Variants in PARD3B observed in about 807,000 individuals in gnomAD.
The protein encoded by PARD3B is partitioning defective 3 homolog B.
Under a neutral mutation model 130.2 loss-of-function variants are expected in PARD3B, and 103 were observed. The ratio of observed to expected loss-of-function variants is 0.79; its 90% CI spans 0.67 to 0.93. The LOEUF (loss-of-function observed/expected upper bound fraction) is 0.93. Ranked by LOEUF, PARD3B falls within the 40% of genes least tolerant of loss-of-function variation. PARD3B has a pLI of 0.00. For synonymous variants in PARD3B, 583 were observed against 553.2 expected (o/e 1.05, Z -0.76); for missense variants, 1,609 against 1,499.2 (o/e 1.07, Z -1.21).
At chr2:205,493,733 T>C (rs1157908109) in intron 20 of PARD3B, among the ~76,000 whole-genome samples, 11 of 137,414 alleles carry the variant, frequency 8.0e-5, no homozygotes, top group South Asian at 2.6e-4. Context: ...TGTATTTATT[T>C]ATTTATTTAT....
At chr2:205,393,473 T>G (rs528660586) in intron 18 of PARD3B, among the ~76,000 whole-genome samples, 3 of 152,334 alleles carry the variant, frequency 2.0e-5, no homozygotes, top group South Asian at 4.1e-4. Flanking sequence ...GACTAGATGT[T>G]GCAGTTTTTT....
chr2:204,683,518 G>T (rs936822535), intron 1 of PARD3B, among the ~76,000 whole-genome samples: 1 of 152,128 alleles, frequency 6.6e-6, no homozygotes, highest in Non-Finnish European at 1.5e-5. Flanking sequence ...ATGGCTGTAG[G>T]TTGCATATTT....
chr2:205,594,376 A>T (rs1331247256), intron 22 of PARD3B, among the ~76,000 whole-genome samples: 1 of 152,150 alleles, frequency 6.6e-6, no homozygotes, highest in Non-Finnish European at 1.5e-5. Context: ...GCCTCTCAGG[A>T]CACTTCCCCT....
intron 10 of PARD3B, among the ~76,000 whole-genome samples, chr2:205,134,223 C>T (rs537997820): frequency 3.9e-5 from 6 of 152,146 alleles, no homozygotes; most frequent in Admixed American, 2.6e-4. Flanking sequence ...GCATTTACAT[C>T]GTCAAAATCA....
At chr2:205,270,298 G>A (rs896439001) in intron 16 of PARD3B, among the ~76,000 whole-genome samples, 1 of 152,158 alleles carries the variant, frequency 6.6e-6, no homozygotes, top group African/African-American at 2.4e-5. Context: ...GCTGGGCATG[G>A]TGGCTCACAC....
intron 2 of PARD3B, among the ~76,000 whole-genome samples, chr2:204,870,100 C>A (rs1346014034): frequency 6.6e-6 from 1 of 152,100 alleles, no homozygotes; most frequent in Non-Finnish European, 1.5e-5. Context: ...CTGGATAACA[C>A]CCTCTTCGCC....
chr2:205,029,684 G>C (rs1286814561), intron 3 of PARD3B, among the ~76,000 whole-genome samples: 1 of 152,090 alleles, frequency 6.6e-6, no homozygotes, highest in Non-Finnish European at 1.5e-5. Context: ...AGAGCCCTTT[G>C]GGGGTCAAGG....
chr2:205,213,100 CT>C (rs2037731504), intron 15 of PARD3B, among the ~76,000 whole-genome samples: 2 of 152,058 alleles, frequency 1.3e-5, no homozygotes, highest in Admixed American at 1.3e-4. Flanking sequence ...TCAAATAAGG[CT>C]TGTCAGTTTC....
chr2:205,457,434 A>G (rs370886276), intron 20 of PARD3B, among the ~76,000 whole-genome samples: 3 of 151,952 alleles, frequency 2.0e-5, no homozygotes, highest in East Asian at 3.9e-4. Context: ...GTTTTCATGT[A>G]TCTTAAATCT....
chr2:204,803,968 C>A (rs963950453), intron 2 of PARD3B, among the ~76,000 whole-genome samples: 54 of 152,230 alleles, frequency 3.5e-4, no homozygotes, highest in African/African-American at 1.3e-3. Context: ...TGCCTGTAAT[C>A]CCTGTACTTT....
chr2:205,123,239 T>C (rs2030971191), intron 8 of PARD3B, among the ~76,000 whole-genome samples: 1 of 152,132 alleles, frequency 6.6e-6, no homozygotes, highest in Non-Finnish European at 1.5e-5. Context: ...AAGAGAAGAA[T>C]TACAGTGATT....
intron 21 of PARD3B, among the ~76,000 whole-genome samples, chr2:205,545,536 C>G (rs1366715314): frequency 6.6e-6 from 1 of 152,158 alleles, no homozygotes; most frequent in East Asian, 1.9e-4. Flanking sequence ...GCATGAAACT[C>G]ATTTTTTTGT....
chr2:204,561,162 A>G (rs140670748), intron 1 of PARD3B, among the ~76,000 whole-genome samples: 1 of 152,300 alleles, frequency 6.6e-6, no homozygotes, highest in African/African-American at 2.4e-5. Flanking sequence ...GCAATCAGAA[A>G]TCCTGAGTTC....
intron 2 of PARD3B, among the ~76,000 whole-genome samples, chr2:204,691,829 T>G (rs2037368457): frequency 6.6e-6 from 1 of 152,092 alleles, no homozygotes; most frequent in Admixed American, 6.6e-5. Context: ...AATGAAGTTA[T>G]TAAATTGGTA....
chr2:205,340,338 G>C (rs534884594), intron 18 of PARD3B, among the ~76,000 whole-genome samples: 2 of 152,130 alleles, frequency 1.3e-5, no homozygotes, highest in South Asian at 2.1e-4. Flanking sequence ...GCATCACACT[G>C]CAACTTCAAA....
chr2:204,850,293 A>C (rs1283676001), intron 2 of PARD3B, among the ~76,000 whole-genome samples: 2 of 152,188 alleles, frequency 1.3e-5, no homozygotes, highest in Admixed American at 1.3e-4. Flanking sequence ...ATGGGAAATG[A>C]GTACCTCATA....
chr2:204,549,448 G>A (rs760046761), intron 1 of PARD3B, among the ~76,000 whole-genome samples: 32 of 152,092 alleles, frequency 2.1e-4, no homozygotes, highest in Non-Finnish European at 7.4e-5. Context: ...TAATTGAGCT[G>A]TATCCTGCAG....
At chr2:205,290,076 TTA>T (rs2041548617) in intron 16 of PARD3B, among the ~76,000 whole-genome samples, 1 of 152,180 alleles carries the variant, frequency 6.6e-6, no homozygotes, top group East Asian at 1.9e-4. Context: ...AAAGAGTAAA[TTA>T]TGAGTGAATG....
At chr2:205,380,201 A>ATATGTAAAGAATATATATTATATAT (rs1559032585) in intron 18 of PARD3B, among the ~76,000 whole-genome samples, 2 of 97,748 alleles carry the variant, frequency 2.0e-5, no homozygotes, top group African/African-American at 4.6e-5. Flanking sequence ...ATATTATATA[A>ATATGTAAAGAATATATATTATATAT]TATGTAAAGA....
Sources: allele counts gnomAD v4.1 joint callset (sites outside exome capture counted in the v4.1 genomes callset), GRCh38; gene constraint gnomAD v4.1.1; transcripts MANE v1.5; gene names NCBI Gene and HGNC (gene_info 2026-07-23, HGNC 2026-07-21).